UTRN: variants seen among roughly 807,000 people sequenced by gnomAD.
UTRN encodes the protein dystrophin-related protein 1.
In UTRN, 283 loss-of-function variants were observed where a neutral mutation model predicts 463.9. The ratio of observed to expected loss-of-function variants is 0.61; its 90% CI spans 0.55 to 0.67. UTRN has a LOEUF of 0.67. Among genes scored for constraint, UTRN ranks in the 30% least tolerant of loss-of-function variants. UTRN has a pLI of 0.00. For synonymous variants in UTRN, 1,442 were observed against 1,431.5 expected (o/e 1.01, Z -0.17); for missense variants, 3,922 against 4,084.3 (o/e 0.96, Z 1.08).
chr6:144,755,511 G>A (rs1365122985), intron 57 of UTRN, among the ~76,000 whole-genome samples: 6 of 152,054 alleles, frequency 3.9e-5, no homozygotes, highest in Admixed American at 3.9e-4. Context: ...AATTTCTGAA[G>A]GTTGATTTCT....
chr6:144,300,184 G>GGATC (rs1236780230), intron 2 of UTRN, among the ~76,000 whole-genome samples: 2 of 151,624 alleles, frequency 1.3e-5, no homozygotes, highest in Non-Finnish European at 2.9e-5. Context: ...CTGCCTCCTA[G>GGATC]GATCAAGTGA....
At chr6:144,752,028 C>A in intron 56 of UTRN, 76 bp downstream of exon 56, 1 of 1,344,406 alleles carries the variant, frequency 7.4e-7, no homozygotes, top group Non-Finnish European at 9.8e-7. Flanking sequence ...TATATTACCA[C>A]TCACCGTTTT....
Position 144,772,031 on chromosome 6 carries a change from T to G in UTRN, c.8557+63T>G, listed in dbSNP as rs928166206. The G allele has an allele frequency of 6.6e-4, 690 of 1,041,958 alleles. 10 individuals are homozygous for G. Among genetic ancestry groups the G allele is most frequent in the Non-Finnish European group, 5.9e-4 (453 of 773,656 alleles). 64.5% of individuals were successfully genotyped at this position (1,041,958 alleles called of 1,614,324 possible). On this transcript the variant is annotated intron_variant, in intron 59 of 74. Coordinates refer to ENST00000367545, the MANE Select transcript of UTRN (RefSeq NM_007124.3). ...CTGAGAACCGGTTTTTTTTTTTTTT[T>G]TTTTTTTTTTTTTTTTTTTTTTAAG...
Position 144,835,888 on chromosome 6 carries a change from A to G in UTRN, c.9774A>G (p.Glu3258=). The change falls in exon 70 of 75, where the codon GAA becomes GAG. Residue 3258 remains glutamate, a synonymous_variant. Transcript: ENST00000367545. ...PAQILKSVER[E]ERGELERIIA... ...AGATCCTGAAGTCAGTAGAGAGGGAAGAACGTGGAGAACTGGAGAGGATCA... is the reference window on the plus strand; with the variant it reads ...AGATCCTGAAGTCAGTAGAGAGGGAGGAACGTGGAGAACTGGAGAGGATCA... 6.2e-7 allele frequency: 1 copy of G among 1,614,150 alleles called. No homozygotes were observed.
intron 51 of UTRN, among the ~76,000 whole-genome samples, chr6:144,600,140 C>G (rs1226715616): frequency 1.3e-5 from 2 of 152,188 alleles, no homozygotes; most frequent in African/African-American, 4.8e-5. Context: ...CCATCTCACA[C>G]TTTCCTTGGG....
intron 53 of UTRN, among the ~76,000 whole-genome samples, chr6:144,718,190 G>A (rs967823972): frequency 5.3e-5 from 8 of 152,254 alleles, no homozygotes; most frequent in East Asian, 1.9e-4. Context: ...ATAGTAATGG[G>A]CTGGGAGTGG....
In UTRN at chr6:144,398,165, C is replaced by T. The variant is rs537566653; in HGVS notation, c.80-4958C>T. On this transcript the variant is annotated intron_variant, in intron 2 of 74. Transcript: ENST00000367545. ...TTTCCCTGTTCCCTGGGGTGGTGTA[C>T]CTGCTCTTGCAATATTCTCTAATTT... The T allele has an allele frequency of 2.4e-5, 6 of 249,252 alleles. No homozygotes were observed. The South Asian group carries it at 3.8e-4, about 16-fold the overall frequency. 15.4% of individuals were successfully genotyped at this position (249,252 alleles called of 1,614,324 possible).
chr6:144,805,613 G>C (rs1778081964), intron 65 of UTRN, among the ~76,000 whole-genome samples: 1 of 152,170 alleles, frequency 6.6e-6, no homozygotes, highest in South Asian at 2.1e-4. Flanking sequence ...AACTGGAAGT[G>C]CCCAGTGCAA....
At chr6:144,797,688 G>A in intron 63 of UTRN, 136 bp from the exon 64 acceptor site, 1 of 860,308 alleles carries the variant, frequency 1.2e-6, no homozygotes, top group East Asian at 2.8e-5. Context: ...TTAAAGCATT[G>A]TGACTTAACT....
intron 32 of UTRN, among the ~76,000 whole-genome samples, chr6:144,491,513 T>A (rs1793074545): frequency 6.6e-6 from 1 of 152,164 alleles, no homozygotes; most frequent in African/African-American, 2.4e-5. Flanking sequence ...AAAATTTCAA[T>A]AGAAATTTAA....
intron 52 of UTRN, among the ~76,000 whole-genome samples, chr6:144,699,771 A>G (rs931237606): frequency 4.0e-5 from 6 of 150,090 alleles, no homozygotes; most frequent in Admixed American, 1.3e-4. Flanking sequence ...GTTATTACCA[A>G]TAAATCCTCT....
intron 51 of UTRN, among the ~76,000 whole-genome samples, chr6:144,606,623 A>G (rs1274647011): frequency 6.6e-6 from 1 of 152,230 alleles, no homozygotes; most frequent in African/African-American, 2.4e-5. Flanking sequence ...TCAAAGTAGC[A>G]CTGATGCAAA....
chr6:144,653,585 TAAA>T (rs77314155), intron 51 of UTRN, among the ~76,000 whole-genome samples: 3 of 135,078 alleles, frequency 2.2e-5, no homozygotes, highest in Non-Finnish European at 1.6e-5. Context: ...GACTCCATCT[TAAA>T]AAAAAAAAAA....
At chr6:144,833,398 C>T (rs1445796418) in intron 69 of UTRN, among the ~76,000 whole-genome samples, 1 of 152,084 alleles carries the variant, frequency 6.6e-6, no homozygotes, top group Non-Finnish European at 1.5e-5. Flanking sequence ...ACATGATTTA[C>T]TGTTTTATTT....
chr6:144,415,911 A>G (rs1784321717), intron 3 of UTRN, among the ~76,000 whole-genome samples: 1 of 152,116 alleles, frequency 6.6e-6, no homozygotes, highest in African/African-American at 2.4e-5. Flanking sequence ...GCTGGTGGGT[A>G]GGTTAGAGGT....
rs148200904 is a variant in UTRN, at chr6:144,422,422, G to C, written c.234+452G>C. ...GCCTGAGCTCAGCAGTTCGAGACCA[G>C]CCTGAGCAACATGGTGAAACCCCAT... On this transcript the variant is annotated intron_variant, in intron 4 of 74. Coordinates refer to ENST00000367545, the MANE Select transcript of UTRN (RefSeq NM_007124.3). Among the ~76,000 whole-genome samples the C allele has an allele frequency of 0.012, 1,805 of 152,294 alleles. 69 individuals carry two copies. The East Asian group carries it at 0.14, about 12-fold the overall frequency.
rs1385141941 is a variant in UTRN at position 144,852,805 on chromosome 6, C to G, written c.*1808C>G. On this transcript the variant is annotated 3_prime_UTR_variant, in exon 75 of 75. Coordinates refer to ENST00000367545, the MANE Select transcript of UTRN (RefSeq NM_007124.3). ...AAGTCATGTGTTAATTTTTTTTCTGCCTGTATTTGTATGCAAAATGTCCTC... is the reference window on the plus strand; with the variant it reads ...AAGTCATGTGTTAATTTTTTTTCTGGCTGTATTTGTATGCAAAATGTCCTC... The G allele has an allele frequency of 6.6e-6, 1 of 152,440 alleles. No homozygotes were observed. The highest frequency in any genetic ancestry group is 1.5e-5 in the Non-Finnish European group (1 of 67,982). 9.4% of individuals were successfully genotyped at this position (152,440 alleles called of 1,614,324 possible).
chr6:144,425,818 T>C (rs1161381597), intron 6 of UTRN, among the ~76,000 whole-genome samples: 1 of 152,254 alleles, frequency 6.6e-6, no homozygotes, highest in East Asian at 1.9e-4. Flanking sequence ...ATTTACTAAT[T>C]TAGAATAATA....
chr6:144,836,716 T>G, intron 71 of UTRN, 175 bp downstream of exon 71: 1 of 986,028 alleles, frequency 1.0e-6, no homozygotes, highest in Non-Finnish European at 1.4e-6. Context: ...TAAATCCTCA[T>G]TGGCACACAA....
Sources: gnomAD v4.1 joint callset for allele counts (sites outside exome capture counted in the v4.1 genomes callset) on GRCh38, gnomAD v4.1.1 for gene constraint, MANE v1.5 for transcripts, NCBI Gene and HGNC (gene_info 2026-07-23, HGNC 2026-07-21) for gene names.